FGF14: variants seen among roughly 807,000 people sequenced by gnomAD.
The protein encoded by FGF14 is fibroblast growth factor homologous factor 4.
FGF14 carries 5 observed loss-of-function variants against 25.5 expected under a neutral mutation model. The observed-to-expected ratio is 0.20, with a 90% CI of 0.10 to 0.41. The LOEUF is 0.41. Ranked by LOEUF, FGF14 falls within the 10% of genes least tolerant of loss-of-function variation. The pLI, the probability that FGF14 is intolerant of heterozygous loss-of-function variation, is 1.00. For synonymous variants in FGF14, 138 were observed against 118.3 expected, an observed-to-expected ratio of 1.17 and a Z score of -1.08; for missense variants, 222 against 320.1, an observed-to-expected ratio of 0.69 and a Z score of 2.34.
chr13:102,103,189 A>C (rs2044741868), intron 1 of FGF14, among the ~76,000 whole-genome samples: 1 of 152,174 alleles, frequency 6.6e-6, no homozygotes, highest in Non-Finnish European at 1.5e-5. Context: ...CAAGTAGGAG[A>C]ATGAATACCA....
intron 1 of FGF14, among the ~76,000 whole-genome samples, chr13:102,150,149 T>C (rs973477614): frequency 6.6e-6 from 1 of 152,184 alleles, no homozygotes; most frequent in African/African-American, 2.4e-5. Flanking sequence ...ACCAGCTCCA[T>C]GACTGCAGTC....
intron 1 of FGF14, among the ~76,000 whole-genome samples, chr13:102,267,600 G>A (rs1594647397): frequency 6.6e-6 from 1 of 152,162 alleles, no homozygotes; most frequent in East Asian, 1.9e-4. Flanking sequence ...TGTGTAGAGA[G>A]AGAGAAAGAT....
rs1566635972 is a variant in FGF14 at position 102,062,282 on chromosome 13, TAA to T, written c.209-186988_209-186987del. ...ATAGAAAACTCTACTTACTAGCAAA[TAA>T]TAAATACCCAAAATAAAATTCCAAA... On this transcript the variant is annotated intron_variant, in intron 1 of 4. Transcript: ENST00000376131. 1.2e-3 allele frequency among the ~76,000 whole-genome samples: 183 copies of T among 151,422 alleles called. 2 individuals are homozygous for T. The highest frequency in any genetic ancestry group is 4.1e-3 in the African/African-American group (171 of 41,252).
intron 1 of FGF14, among the ~76,000 whole-genome samples, chr13:101,933,873 AAAT>A (rs1009971249): frequency 1.3e-5 from 2 of 152,226 alleles, no homozygotes; most frequent in African/African-American, 4.8e-5. Context: ...TATATTTGAC[AAAT>A]AATACTTTAT....
At chr13:102,187,620 C>T (rs373578508) in intron 1 of FGF14, among the ~76,000 whole-genome samples, 2 of 152,148 alleles carry the variant, frequency 1.3e-5, no homozygotes, top group East Asian at 3.9e-4. Context: ...TTTCCACCTT[C>T]GTGCCCTGTC....
At chr13:102,204,727 A>G (rs1039748801) in intron 1 of FGF14, among the ~76,000 whole-genome samples, 1 of 151,906 alleles carries the variant, frequency 6.6e-6, no homozygotes, top group Non-Finnish European at 1.5e-5. Context: ...TTATATTATT[A>G]GTAGAGATGG....
chr13:102,233,859 G>T (rs2051199510), intron 1 of FGF14, among the ~76,000 whole-genome samples: 1 of 152,174 alleles, frequency 6.6e-6, no homozygotes, highest in Non-Finnish European at 1.5e-5. Context: ...GCATCATGCT[G>T]ACTTTTAATG....
At chr13:102,347,487 C>T (rs1478028918) in intron 1 of FGF14, among the ~76,000 whole-genome samples, 1 of 152,066 alleles carries the variant, frequency 6.6e-6, no homozygotes, top group African/African-American at 2.4e-5. Context: ...GTTGACATGG[C>T]CAGGAGGGGG....
intron 1 of FGF14, among the ~76,000 whole-genome samples, chr13:102,233,063 A>G (rs2051153866): frequency 6.6e-6 from 1 of 151,918 alleles, no homozygotes; most frequent in South Asian, 2.1e-4. Context: ...CTCTGGTCCC[A>G]CCTCACACCA....
chr13:102,134,912 A>T (rs2140428330), intron 1 of FGF14, among the ~76,000 whole-genome samples: 1 of 152,200 alleles, frequency 6.6e-6, no homozygotes, highest in Admixed American at 6.5e-5. Flanking sequence ...AGCCAGGTTC[A>T]GTGGCTCATG....
At chr13:101,917,745 C>G (rs2033678935), upstream of FGF14, among the ~76,000 whole-genome samples, 1 of 152,062 alleles carries the variant, frequency 6.6e-6, no homozygotes, top group African/African-American at 2.4e-5. Context: ...TTTTGAAAGG[C>G]TACACGGAGC....
intron 1 of FGF14, among the ~76,000 whole-genome samples, chr13:102,068,339 C>T (rs543385769): frequency 2.6e-5 from 4 of 152,370 alleles, no homozygotes; most frequent in African/African-American, 4.8e-5. Context: ...CGCTCGCTCT[C>T]GGCGCCTCCT....
chr13:101,842,966 G>A (rs984257532), intron 3 of FGF14, among the ~76,000 whole-genome samples: 3 of 152,036 alleles, frequency 2.0e-5, no homozygotes, highest in African/African-American at 7.2e-5. Flanking sequence ...GCCAAACTCG[G>A]ACAAACGATC....
intron 1 of FGF14, among the ~76,000 whole-genome samples, chr13:102,093,596 AT>A (rs200450613): frequency 0.027 from 4,105 of 152,234 alleles, 88 homozygotes; most frequent in Non-Finnish European, 0.046. Context: ...TTTCTGGTGT[AT>A]TTTTTTAAAC....
chr13:101,746,279 C>T (rs779329888), intron 3 of FGF14, among the ~76,000 whole-genome samples: 2 of 151,796 alleles, frequency 1.3e-5, no homozygotes, highest in Admixed American at 6.6e-5. Context: ...AGAGGTTTAC[C>T]GAGTTCAAAC....
In FGF14 at chr13:102,190,687, T is replaced by C. The variant is rs79555088; in HGVS notation, c.208+210784A>G. ...TTAAATTAATATACTCAACAAAAAT[T>C]AATTGAGTTGGGGTGTGGGGACATT... On this transcript the variant is annotated intron_variant, in intron 1 of 4. Transcript: ENST00000376131. Among the ~76,000 whole-genome samples the C allele has an allele frequency of 4.0e-3, 615 of 152,224 alleles. 4 individuals carry two copies. The highest frequency in any genetic ancestry group is 0.014 in the African/African-American group (589 of 41,534).
chr13:101,974,140 T>C (rs747711130), intron 1 of FGF14, among the ~76,000 whole-genome samples: 1 of 152,240 alleles, frequency 6.6e-6, no homozygotes, highest in Admixed American at 6.5e-5. Flanking sequence ...AGTCCATATC[T>C]AGAAATAGGG....
chr13:102,119,289 G>A (rs2045611349), intron 1 of FGF14, among the ~76,000 whole-genome samples: 1 of 152,108 alleles, frequency 6.6e-6, no homozygotes, highest in South Asian at 2.1e-4. Context: ...CTGAACACAG[G>A]TACTCTACAA....
At chr13:101,733,545 A>G (rs1400251902) in intron 3 of FGF14, among the ~76,000 whole-genome samples, 10 of 145,688 alleles carry the variant, frequency 6.9e-5, no homozygotes, top group African/African-American at 2.5e-4. Context: ...CAGTGAGCGG[A>G]GATTGTGCCA....
Sources: allele counts gnomAD v4.1 joint callset (sites outside exome capture counted in the v4.1 genomes callset), GRCh38; gene constraint gnomAD v4.1.1; transcripts MANE v1.5; gene names NCBI Gene and HGNC (gene_info 2026-07-23, HGNC 2026-07-21).